Variants in UTRN observed in about 807,000 individuals in gnomAD.
The protein encoded by UTRN is dystrophin-related protein 1.
Under a neutral mutation model 463.9 loss-of-function variants are expected in UTRN, and 283 were observed. The ratio of observed to expected loss-of-function variants is 0.61; its 90% CI spans 0.55 to 0.67. The LOEUF (loss-of-function observed/expected upper bound fraction) is 0.67, where lower values mean the gene tolerates loss of function less well. UTRN is among the 30% of genes least tolerant of loss of function. The probability of loss-of-function intolerance (pLI) is 0.00; values close to 1 mark genes in which losing one functional copy is unlikely to be tolerated. For synonymous variants in UTRN, 1,442 were observed against 1,431.5 expected (o/e 1.01, Z -0.17); for missense variants, 3,922 against 4,084.3 (o/e 0.96, Z 1.08).
chr6:144,479,908 G>A lies in UTRN; in HGVS notation c.3433G>A (p.Glu1145Lys), dbSNP rs756232588. The A allele has an allele frequency of 1.2e-5, 19 of 1,614,058 alleles. No homozygotes were observed. Among genetic ancestry groups the A allele is most frequent in the East Asian group, 2.2e-5 (1 of 44,900 alleles). The change falls in exon 26 of 75, where the codon GAG (glutamate) becomes AAG (lysine). Residue 1145 changes from glutamate (E) to lysine (K), a missense_variant. Glu to Lys is a moderately conservative substitution (Grantham distance 56). Around this residue, in one of 3 missense-constraint regions of UTRN, gnomAD observed 2,349 missense variants for 2,303.8 expected, o/e 1.02. Transcript: ENST00000367545. ...GATGCAGGAATGGATGACCCAGGCCGAGGAAGAATATTTGGAGCGGGATTT... is the reference window on the plus strand; with the variant it reads ...GATGCAGGAATGGATGACCCAGGCCAAGGAAGAATATTTGGAGCGGGATTT... ...AEMQEWMTQA[E>K]EEYLERDFEY...
intron 2 of UTRN, among the ~76,000 whole-genome samples, chr6:144,346,687 G>T (rs1347533458): frequency 6.6e-6 from 1 of 152,126 alleles, no homozygotes; most frequent in Non-Finnish European, 1.5e-5. Context: ...GCTGGGTGTG[G>T]TGGTGGGTGC....
intron 23 of UTRN, among the ~76,000 whole-genome samples, chr6:144,472,097 A>T (rs1253103234): frequency 6.6e-6 from 1 of 152,196 alleles, no homozygotes; most frequent in Non-Finnish European, 1.5e-5. Flanking sequence ...AAAAATGGAG[A>T]TGGAGGAATG....
intron 35 of UTRN, 79 bp downstream of exon 35, chr6:144,511,202 A>C: frequency 9.1e-6 from 12 of 1,324,646 alleles, no homozygotes; most frequent in Non-Finnish European, 1.2e-5. Context: ...ACTTTGATTA[A>C]ATTTCAAATC....
chr6:144,632,039 A>G (rs924856038), intron 51 of UTRN, among the ~76,000 whole-genome samples: 5 of 152,202 alleles, frequency 3.3e-5, no homozygotes, highest in African/African-American at 1.2e-4. Flanking sequence ...AAATGTAAAG[A>G]CATTTATTAG....
At chr6:144,753,100 A>G (rs993677173) in intron 56 of UTRN, among the ~76,000 whole-genome samples, 14 of 152,338 alleles carry the variant, frequency 9.2e-5, no homozygotes, top group Admixed American at 5.2e-4. Flanking sequence ...AGGAGGAACT[A>G]GTGCTGTCCA....
chr6:144,751,605 G>A (rs62427228), intron 55 of UTRN, among the ~76,000 whole-genome samples: 17,308 of 152,096 alleles, frequency 0.11, 1,660 homozygotes, highest in Admixed American at 0.32. Flanking sequence ...ATATATATGG[G>A]TTTCGCATCC....
At chr6:144,433,385 A>C (rs1786118998) in intron 9 of UTRN, among the ~76,000 whole-genome samples, 1 of 145,202 alleles carries the variant, frequency 6.9e-6, no homozygotes, top group African/African-American at 2.6e-5. Context: ...TCCCTCCCGG[A>C]CGGGGTGGCT....
intron 34 of UTRN, 88 bp downstream of exon 34, chr6:144,499,515 C>A (rs1793985765): frequency 8.9e-7 from 1 of 1,121,346 alleles, no homozygotes; most frequent in Non-Finnish European, 1.2e-6. Flanking sequence ...CATGTCCCTC[C>A]ATTTTATATT....
chr6:144,370,270 A>G (rs1382559325), intron 2 of UTRN, among the ~76,000 whole-genome samples: 1 of 152,184 alleles, frequency 6.6e-6, no homozygotes, highest in African/African-American at 2.4e-5. Context: ...GGCCAGGCCC[A>G]GGGCCCTGCT....
chr6:144,486,271 AG>A (rs1421096396), intron 28 of UTRN, among the ~76,000 whole-genome samples: 1 of 152,248 alleles, frequency 6.6e-6, no homozygotes, highest in Non-Finnish European at 1.5e-5. Context: ...GCTAGAGAAA[AG>A]ATGTCACTTC....
chr6:144,299,704 G>A (rs1805060180), intron 2 of UTRN, among the ~76,000 whole-genome samples: 1 of 151,936 alleles, frequency 6.6e-6, no homozygotes, highest in Admixed American at 6.6e-5. Flanking sequence ...CTTAGAGTCC[G>A]CTGATGCATT....
At chr6:144,596,040 T>C in intron 51 of UTRN, among the ~76,000 whole-genome samples, 1 of 152,226 alleles carries the variant, frequency 6.6e-6, no homozygotes, top group East Asian at 1.9e-4. Flanking sequence ...TGACCTATTA[T>C]GCTTATTTCT....
chr6:144,797,996 G>C lies in UTRN; in HGVS notation c.9245+6G>C, dbSNP rs913851691. On this transcript the variant is annotated splice_donor_region_variant and intron_variant, in intron 64 of 74. Transcript: ENST00000367545. Reference sequence around the variant, plus strand: ...TGTCCAATTGTCGGGTTCAGGTAAGGCGTGCCAGTGCTGGAGGAGGCTATT... The same window carrying C: ...TGTCCAATTGTCGGGTTCAGGTAAGCCGTGCCAGTGCTGGAGGAGGCTATT... 6.2e-7 allele frequency: 1 copy of C among 1,613,942 alleles called. No homozygotes were observed. Among genetic ancestry groups the C allele is most frequent in the Non-Finnish European group, 8.5e-7 (1 of 1,179,926 alleles).
Position 144,308,342 on chromosome 6 carries a change from G to A in UTRN, c.79+16435G>A, listed in dbSNP as rs978112648. Among the ~76,000 whole-genome samples the A allele has an allele frequency of 9.2e-5, 14 of 152,176 alleles. No homozygotes were observed. The East Asian group carries it at 1.2e-3, about 13-fold the overall frequency. ...GCCCCTCTGTCATCTGAATTTAAGC[G>A]TCCCATTTTTTCGGTACTAGCATGG... On this transcript the variant is annotated intron_variant, in intron 2 of 74. Transcript: ENST00000367545.
chr6:144,322,569 C>T (rs2114586534), intron 2 of UTRN, among the ~76,000 whole-genome samples: 1 of 152,298 alleles, frequency 6.6e-6, no homozygotes, highest in Admixed American at 6.5e-5. Flanking sequence ...GACACTTTGA[C>T]TCAGAAATAT....
At chr6:144,525,679 T>C (rs1010876148) in intron 41 of UTRN, among the ~76,000 whole-genome samples, 1 of 152,126 alleles carries the variant, frequency 6.6e-6, no homozygotes, top group African/African-American at 2.4e-5. Flanking sequence ...TTCATTTTCA[T>C]TTAGCTCTGC....
At chr6:144,429,778 G>C (rs143859195) in intron 9 of UTRN, 37 bp downstream of exon 9, 6 of 1,590,920 alleles carry the variant, frequency 3.8e-6, no homozygotes, top group African/African-American at 1.4e-5. Flanking sequence ...TTGGCTTGCC[G>C]TATTTGTTTT....
intron 51 of UTRN, among the ~76,000 whole-genome samples, chr6:144,611,704 G>A (rs1181318561): frequency 6.6e-6 from 1 of 152,052 alleles, no homozygotes; most frequent in Non-Finnish European, 1.5e-5. Context: ...AAAAATTAAA[G>A]AAAACACAAA....
intron 8 of UTRN, 33 bp from the exon 9 acceptor site, chr6:144,429,548 T>C (rs751120473): frequency 1.3e-6 from 2 of 1,578,644 alleles, no homozygotes; most frequent in Middle Eastern, 1.7e-4. Flanking sequence ...GGACACCTAA[T>C]TTAAGCTGGT....
Sources: gnomAD v4.1 joint callset for allele counts (sites outside exome capture counted in the v4.1 genomes callset) on GRCh38, gnomAD v4.1.1 for gene constraint, gnomAD v4.1.1 regional missense constraint, MANE v1.5 for transcripts, NCBI Gene and HGNC (gene_info 2026-07-23, HGNC 2026-07-21) for gene names.